DPP6: variants seen among roughly 807,000 people sequenced by gnomAD.
DPP6 encodes the protein A-type potassium channel modulatory protein DPP6.
In DPP6, 69 loss-of-function variants were observed where a neutral mutation model predicts 122.6. That is an observed-to-expected ratio of 0.56 (90% CI 0.46 to 0.69). The LOEUF is 0.69. Ranked by LOEUF, DPP6 falls within the 30% of genes least tolerant of loss-of-function variation. The pLI is 0.00. For missense variants in DPP6, 928 were observed against 1,116.9 expected (o/e 0.83, Z 2.41); for synonymous variants, 418 against 433.1 (o/e 0.97, Z 0.43).
At position 154,409,883 on chromosome 7, in the gene DPP6, C is replaced by T. The variant is rs151227064; in HGVS notation, c.244-36331C>T. 2.7e-3 allele frequency among the ~76,000 whole-genome samples: 418 copies of T among 152,276 alleles called. 2 individuals are homozygous for T. Among genetic ancestry groups the T allele is most frequent in the Non-Finnish European group, 2.6e-3 (175 of 68,022 alleles). On this transcript the variant is annotated intron_variant, in intron 1 of 25. Coordinates refer to ENST00000377770, the MANE Select transcript of DPP6 (RefSeq NM_130797.4). The stretch of plus-strand genomic sequence containing the variant: ...ATTCTTGCCTGTTAAGCATGGCCTT[C>T]AGTTTGGAAGCCCAGTCGCTCTCCA...
At chr7:154,046,670 C>T (rs1585224285) in intron 1 of DPP6, among the ~76,000 whole-genome samples, 1 of 152,234 alleles carries the variant, frequency 6.6e-6, no homozygotes, top group African/African-American at 2.4e-5. Flanking sequence ...GTTTCACAGT[C>T]ATTGTGTTGT....
chr7:154,125,938 T>C (rs1434168301), intron 1 of DPP6, among the ~76,000 whole-genome samples: 2 of 152,184 alleles, frequency 1.3e-5, no homozygotes, highest in Non-Finnish European at 2.9e-5. Flanking sequence ...CTGTGATTGC[T>C]CCAGGAATTC....
intron 1 of DPP6, among the ~76,000 whole-genome samples, chr7:154,343,027 G>T (rs556543595): frequency 3.3e-5 from 5 of 152,230 alleles, no homozygotes; most frequent in Admixed American, 6.5e-5. Flanking sequence ...GCTAACCAAG[G>T]TACAGCAAGA....
intron 1 of DPP6, chr7:153,968,710 C>T (rs955224153): frequency 1.5e-4 from 22 of 151,718 alleles, no homozygotes; most frequent in African/African-American, 5.4e-4. Flanking sequence ...ATGCCACTTC[C>T]ATTGCTAAGC....
rs542574179 is a variant in DPP6, at chr7:153,927,007, T to TTC, written c.51+39274_51+39275insCT. The stretch of plus-strand genomic sequence containing the variant: ...TGATATTTATTTTTTAAGTTAAATT[T>TTC]TTTTTTTTTTTTACTGAAAGTAATA... On this transcript the variant is annotated intron_variant, in intron 1 of 25. Coordinates refer to the DPP6 transcript ENST00000404039. 9.5e-3 allele frequency among the ~76,000 whole-genome samples: 1,445 copies of TTC among 151,460 alleles called. 11 individuals carry two copies. The highest frequency in any genetic ancestry group is 0.015 in the Non-Finnish European group (1,022 of 67,786).
chr7:154,800,758 T>C (rs1477958323), intron 12 of DPP6, among the ~76,000 whole-genome samples: 1 of 152,238 alleles, frequency 6.6e-6, no homozygotes. Flanking sequence ...ACCTGTGTTT[T>C]AGAACCCGTG....
intron 1 of DPP6, among the ~76,000 whole-genome samples, chr7:154,156,526 G>T (rs1268852011): frequency 6.6e-6 from 1 of 152,168 alleles, no homozygotes; most frequent in Non-Finnish European, 1.5e-5. Context: ...GGATATAGCT[G>T]GCCCTCTTTG....
Position 154,863,776 on chromosome 7 carries a change from C to T in DPP6, c.1715-4219C>T, listed in dbSNP as rs1426408761. On this transcript the variant is annotated intron_variant, in intron 17 of 25. Transcript: ENST00000377770. This position sits in a 1 kb window ranked among gnomAD's most constrained non-coding sequence, Gnocchi z 4.1. ...GCTGCAGTGAGTTATGATTTCACCA[C>T]TGCACTCCAACCTGGCTGCAAGACC... Among the ~76,000 whole-genome samples, 2 of 152,036 alleles carry T rather than the reference C, an allele frequency of 1.3e-5. No homozygotes were observed. Among genetic ancestry groups the T allele is most frequent in the Admixed American group, 6.5e-5 (1 of 15,280 alleles).
chr7:154,790,134 G>A (rs1336066665), intron 10 of DPP6, among the ~76,000 whole-genome samples: 1 of 152,204 alleles, frequency 6.6e-6, no homozygotes, highest in Non-Finnish European at 1.5e-5. Flanking sequence ...GGAGGCGGAG[G>A]TTGCAGTGAG....
At chr7:153,764,267 G>A in the DPP6 span, among the ~76,000 whole-genome samples, 8 of 152,260 alleles carry the variant, frequency 5.3e-5, no homozygotes, top group Admixed American at 5.2e-4. Flanking sequence ...GAAGACAGGA[G>A]GCCCTTCTCT....
chr7:154,883,375 TAC>T (rs1458596154), intron 21 of DPP6, among the ~76,000 whole-genome samples: 1 of 97,784 alleles, frequency 1.0e-5, no homozygotes, highest in Non-Finnish European at 2.0e-5. Flanking sequence ...CACACACGAT[TAC>T]ATACACCTGC....
At chr7:154,458,170 G>T (rs892816548) in intron 2 of DPP6, among the ~76,000 whole-genome samples, 5 of 151,976 alleles carry the variant, frequency 3.3e-5, no homozygotes, top group African/African-American at 1.2e-4. Context: ...ATCTTGAATT[G>T]TAGCTCCCAT....
chr7:154,772,138 A>G (rs960864767), intron 9 of DPP6, among the ~76,000 whole-genome samples: 2 of 152,228 alleles, frequency 1.3e-5, no homozygotes, highest in African/African-American at 4.8e-5. Context: ...TTGGGGTTTC[A>G]TATTTTAATA....
chr7:154,611,454 A>T (rs1833903621), intron 5 of DPP6, among the ~76,000 whole-genome samples: 1 of 152,222 alleles, frequency 6.6e-6, no homozygotes, highest in Non-Finnish European at 1.5e-5. Flanking sequence ...CTCTTTGGTT[A>T]TCCAAGAGAG....
chr7:154,285,227 C>T (rs1024152808), intron 1 of DPP6, among the ~76,000 whole-genome samples: 16 of 152,098 alleles, frequency 1.1e-4, no homozygotes, highest in African/African-American at 3.9e-4. Context: ...ATTAAAACTG[C>T]TTTTTACTAG....
At chr7:153,918,567 T>TCACACACA (rs1563006184) in intron 1 of DPP6, among the ~76,000 whole-genome samples, 56 of 46,142 alleles carry the variant, frequency 1.2e-3, no homozygotes, top group South Asian at 1.5e-3. Flanking sequence ...ACACACACAG[T>TCACACACA]CTCTCTCTCT....
At chr7:153,752,073 G>C in the DPP6 span, among the ~76,000 whole-genome samples, 1 of 152,148 alleles carries the variant, frequency 6.6e-6, no homozygotes, top group African/African-American at 2.4e-5. Flanking sequence ...TTCATGGTAG[G>C]AGTTTCATGA....
At chr7:154,029,840 C>T (rs938613565) in intron 1 of DPP6, among the ~76,000 whole-genome samples, 4 of 146,262 alleles carry the variant, frequency 2.7e-5, no homozygotes, top group Non-Finnish European at 4.5e-5. Context: ...AGCGAAACTC[C>T]ATCTCAAAAA....
chr7:154,612,248 C>T (rs184787490), intron 5 of DPP6, among the ~76,000 whole-genome samples: 1 of 152,156 alleles, frequency 6.6e-6, no homozygotes, highest in South Asian at 2.1e-4. Context: ...GACTAAGACA[C>T]CACCATAGTC....
Sources: gnomAD v4.1 joint callset for allele counts (sites outside exome capture counted in the v4.1 genomes callset) on GRCh38, gnomAD v4.1.1 for gene constraint, Gnocchi (gnomAD v3.1) non-coding constraint, MANE v1.5 for transcripts, NCBI Gene and HGNC (gene_info 2026-07-23, HGNC 2026-07-21) for gene names.